KDM6A: variants seen among roughly 807,000 people sequenced by gnomAD.
KDM6A encodes the protein lysine-specific demethylase 6A.
A neutral mutation model predicts 117.6 loss-of-function variants in KDM6A; 11 were observed. The observed-to-expected ratio is 0.09, with a 90% CI of 0.06 to 0.15. KDM6A has a LOEUF of 0.15. Among genes scored for constraint, KDM6A ranks in the 10% least tolerant of loss-of-function variants. KDM6A has a pLI of 1.00. For synonymous variants in KDM6A, 384 were observed against 396.1 expected (o/e 0.97, Z 0.36); for missense variants, 799 against 1,077.3 (o/e 0.74, Z 3.62).
intron 3 of KDM6A, among the ~76,000 whole-genome samples, chrX:44,972,757 C>T (rs1052661014): frequency 1.8e-5 from 2 of 111,132 alleles, no homozygotes; most frequent in African/African-American, 6.6e-5. Context: ...CAAATCAGGC[C>T]GGTCATGGTG....
At chrX:44,907,241 A>G (rs189556730) in intron 2 of KDM6A, among the ~76,000 whole-genome samples, 1 of 111,847 alleles carries the variant, frequency 8.9e-6, no homozygotes, top group East Asian at 2.8e-4. Context: ...GTAAGCCCCA[A>G]TATGGTCAGA....
At chrX:44,948,760 A>T (rs944200909) in intron 2 of KDM6A, among the ~76,000 whole-genome samples, 1 of 112,452 alleles carries the variant, frequency 8.9e-6, no homozygotes, top group Admixed American at 9.4e-5. Context: ...ACTATTTATG[A>T]TGTAGTATAC....
At chrX:45,027,336 AACACACACACACACACACAC>A (rs200245833) in intron 6 of KDM6A, among the ~76,000 whole-genome samples, 1 of 98,137 alleles carries the variant, frequency 1.0e-5, no homozygotes, top group Non-Finnish European at 2.1e-5. Flanking sequence ...CATAGTGTGA[AACACACACACACACACACAC>A]ACACACACAC....
chrX:45,020,766 AT>A (rs1207129984), intron 6 of KDM6A, 36 bp downstream of exon 6: 2 of 1,195,511 alleles, frequency 1.7e-6, no homozygotes, highest in South Asian at 3.6e-5. Flanking sequence ...ACAATGTTTA[AT>A]TTTGTGGTTT....
intron 2 of KDM6A, among the ~76,000 whole-genome samples, chrX:44,927,261 G>A (rs963650552): frequency 9.0e-6 from 1 of 110,929 alleles, no homozygotes; most frequent in Non-Finnish European, 1.9e-5. Context: ...CAGTAGAGAC[G>A]CAACCTTCCT....
chrX:45,103,759 C>T (rs998434013), intron 27 of KDM6A, among the ~76,000 whole-genome samples: 3 of 111,754 alleles, frequency 2.7e-5, no homozygotes, highest in Non-Finnish European at 3.8e-5. Flanking sequence ...CAATCAGCTT[C>T]TTCCTCATGG....
At chrX:45,077,604 ATGT>A (rs1286464019) in intron 19 of KDM6A, among the ~76,000 whole-genome samples, 1 of 110,741 alleles carries the variant, frequency 9.0e-6, no homozygotes, top group Admixed American at 9.6e-5. Context: ...ATCCCTTACT[ATGT>A]AAGGGAAGCA....
At chrX:44,973,229 G>A (rs960716322) in intron 3 of KDM6A, among the ~76,000 whole-genome samples, 2 of 111,437 alleles carry the variant, frequency 1.8e-5, no homozygotes, top group African/African-American at 6.5e-5. Flanking sequence ...TACAAGAGCA[G>A]CAGAATTTTA....
chrX:45,015,587 C>G (rs1249015616), intron 5 of KDM6A, among the ~76,000 whole-genome samples: 1 of 111,560 alleles, frequency 9.0e-6, no homozygotes, highest in African/African-American at 3.3e-5. Context: ...AATAATGCAA[C>G]ATAGACCTAA....
At chrX:44,924,648 G>GGTGTGTGTGTGTGTGTGTGT (rs112587323) in intron 2 of KDM6A, among the ~76,000 whole-genome samples, 1 of 90,456 alleles carries the variant, frequency 1.1e-5, no homozygotes, top group African/African-American at 4.1e-5. Flanking sequence ...GGTGGTCCTG[G>GGTGTGTGTGTGTGTGTGTGT]GTGTGTGTGT....
chrX:44,914,176 A>C (rs2035403468), intron 2 of KDM6A, among the ~76,000 whole-genome samples: 1 of 112,014 alleles, frequency 8.9e-6, no homozygotes, highest in Non-Finnish European at 1.9e-5. Context: ...TTGTGACACC[A>C]AAAACTTTAT....
intron 21 of KDM6A, among the ~76,000 whole-genome samples, 189 bp downstream of exon 21, chrX:45,079,540 T>TGTATGTAC (rs749423914): frequency 5.3e-4 from 56 of 105,694 alleles, no homozygotes; most frequent in East Asian, 1.2e-3. Context: ...TATGTATGTA[T>TGTATGTAC]GTACGTACGT....
At chrX:44,983,252 C>A (rs2039999896) in intron 4 of KDM6A, among the ~76,000 whole-genome samples, 1 of 111,519 alleles carries the variant, frequency 9.0e-6, no homozygotes, top group Admixed American at 9.5e-5. Context: ...CAAGTCAGCA[C>A]AAATAGGTAG....
At chrX:44,963,487 C>CTG in intron 3 of KDM6A, among the ~76,000 whole-genome samples, 1 of 26,595 alleles carries the variant, frequency 3.8e-5, no homozygotes, top group East Asian at 2.9e-3. Context: ...GTGTGTGTGT[C>CTG]TGTCTGTCTG....
chrX:44,922,261 C>T (rs920239814), intron 2 of KDM6A, among the ~76,000 whole-genome samples: 1 of 106,058 alleles, frequency 9.4e-6, no homozygotes, highest in Non-Finnish European at 1.9e-5. Flanking sequence ...CCAGGCTGGT[C>T]CAGGCTGGTC....
intron 2 of KDM6A, among the ~76,000 whole-genome samples, chrX:44,889,470 AT>A (rs961953945): frequency 2.7e-5 from 3 of 111,528 alleles, no homozygotes; most frequent in South Asian, 3.7e-4. Flanking sequence ...CTTAAAAAAA[AT>A]TTTTTTTTAA....
At chrX:45,003,265 T>A (rs1191737086) in intron 4 of KDM6A, among the ~76,000 whole-genome samples, 1 of 110,937 alleles carries the variant, frequency 9.0e-6, no homozygotes, top group Non-Finnish European at 1.9e-5. Context: ...AGGAACTGTC[T>A]ATCGTCCTGT....
chrX:45,086,445 T>C (rs913879392), intron 25 of KDM6A, among the ~76,000 whole-genome samples: 1 of 111,786 alleles, frequency 8.9e-6, no homozygotes, highest in East Asian at 2.8e-4. Context: ...TGAAGAAATT[T>C]TATAAAATGT....
At chrX:45,016,386 A>G (rs910930120) in intron 5 of KDM6A, among the ~76,000 whole-genome samples, 2 of 111,821 alleles carry the variant, frequency 1.8e-5, no homozygotes, top group African/African-American at 6.5e-5. Context: ...CCCTTCATAT[A>G]TCTCTGTGAG....
Sources: allele counts gnomAD v4.1 joint callset (sites outside exome capture counted in the v4.1 genomes callset), GRCh38; gene constraint gnomAD v4.1.1; transcripts MANE v1.5; gene names NCBI Gene and HGNC (gene_info 2026-07-23, HGNC 2026-07-21).